KATNIP: variants seen among roughly 807,000 people sequenced by gnomAD.
KATNIP encodes katanin-interacting protein.
In KATNIP, 126 loss-of-function variants were observed where a neutral mutation model predicts 174.0. The ratio of observed to expected loss-of-function variants is 0.72; its 90% confidence interval spans 0.63 to 0.84. The LOEUF (loss-of-function observed/expected upper bound fraction) is 0.84, where lower values mean the gene tolerates loss of function less well. Among genes scored for constraint, KATNIP ranks in the 40% least tolerant of loss-of-function variants. The probability of loss-of-function intolerance (pLI) is 0.00; values close to 1 mark genes in which losing one functional copy is unlikely to be tolerated. For missense variants in KATNIP, 1,958 were observed against 2,109.7 expected (o/e 0.93, Z 1.41); for synonymous variants, 810 against 835.7 (o/e 0.97, Z 0.53).
chr16:27,712,640 T>G (rs2079625829), intron 13 of KATNIP, among the ~76,000 whole-genome samples: 1 of 152,124 alleles, frequency 6.6e-6, no homozygotes. Flanking sequence ...ACTCCACCCT[T>G]CTGTGCCCGC....
At chr16:27,695,481 C>T (rs564536823) in intron 8 of KATNIP, among the ~76,000 whole-genome samples, 1 of 152,324 alleles carries the variant, frequency 6.6e-6, no homozygotes, top group South Asian at 2.1e-4. Flanking sequence ...TGGTCCTCTG[C>T]GAGGCTCTCT....
intron 12 of KATNIP, among the ~76,000 whole-genome samples, chr16:27,707,869 C>T (rs981305220): frequency 3.3e-5 from 5 of 152,124 alleles, no homozygotes; most frequent in Non-Finnish European, 4.4e-5. Flanking sequence ...TATAAGGACA[C>T]CAGTTAGATT....
chr16:27,765,899 T>G (rs1030607669), intron 19 of KATNIP, among the ~76,000 whole-genome samples: 1 of 152,166 alleles, frequency 6.6e-6, no homozygotes, highest in South Asian at 2.1e-4. Context: ...TTTAAGCTAT[T>G]GTAAATAACA....
At position 27,749,945 on chromosome 16, in the gene KATNIP, A is replaced by T. The variant is rs551216368; in HGVS notation, c.2985A>T (p.Gly995=). Residue 995 remains glycine, a synonymous_variant, in exon 16 of 28, where the codon GGA becomes GGT. Coordinates refer to ENST00000261588, the MANE Select transcript of KATNIP (RefSeq NM_015202.5). Reference sequence around the variant, plus strand: ...ACAGACACTATGTCGGCCTCAACGGAATAGAAATATTCAGTTCCAAGGGTG... The same window carrying T: ...ACAGACACTATGTCGGCCTCAACGGTATAGAAATATTCAGTTCCAAGGGTG... The part of the protein sequence containing the change: ...WGDRHYVGLN[G]IEIFSSKGEP... 2.8e-5 allele frequency: 45 copies of T among 1,614,202 alleles called. No individual in the cohort carries two copies. The African/African-American group carries it at 4.4e-4, about 16-fold the overall frequency.
In KATNIP at chr16:27,748,073, A is replaced by C. The variant is rs1336245773; in HGVS notation, c.2624-1511A>C. On this transcript the variant is annotated intron_variant, in intron 15 of 27. Coordinates refer to ENST00000261588, the MANE Select transcript of KATNIP (RefSeq NM_015202.5). ...CAGTGTCAGCAGCCGCTGTTTTTGC[A>C]GGATGACACCCTTAGATGGCAGTGA... 4.6e-5 allele frequency among the ~76,000 whole-genome samples: 7 copies of C among 152,218 alleles called. No individual in the cohort carries two copies. In the East Asian group the frequency reaches 1.4e-3, roughly 29 times the overall value.
At chr16:27,673,054 G>A (rs576988093) in intron 6 of KATNIP, among the ~76,000 whole-genome samples, 396 of 152,254 alleles carry the variant, frequency 2.6e-3, no homozygotes, top group Non-Finnish European at 4.6e-3. Flanking sequence ...AGAGGGATGT[G>A]CCCATTGTTT....
At chr16:27,657,258 G>A (rs1221371239) in intron 6 of KATNIP, among the ~76,000 whole-genome samples, 1 of 152,048 alleles carries the variant, frequency 6.6e-6, no homozygotes, top group African/African-American at 2.4e-5. Flanking sequence ...GAGAGAAGGA[G>A]AGAAATGTGG....
Position 27,777,105 on chromosome 16 carries a change from C to A in KATNIP, c.4551+76C>A. On this transcript the variant is annotated intron_variant, in intron 25 of 27. Coordinates refer to ENST00000261588, the MANE Select transcript of KATNIP (RefSeq NM_015202.5). The surrounding 1 kb of genome is among the most constrained non-coding windows in gnomAD (Gnocchi z 4.4). The stretch of plus-strand genomic sequence containing the variant: ...TAGGCCGCCGGCAATTATCATTTGT[C>A]GCAGTTTGATTTACTTCTCTCTGTT... 1.0e-6 allele frequency: 1 copy of A among 986,544 alleles called. No homozygotes were observed. The highest frequency in any genetic ancestry group is 1.3e-5 in the South Asian group (1 of 74,774). 61.1% of individuals were successfully genotyped at this position (986,544 alleles called of 1,614,324 possible). A position where few individuals can be genotyped will look rare whatever the true frequency, so the allele number is the denominator to read the frequency against.
chr16:27,721,714 T>C lies in KATNIP; in HGVS notation c.1743+19T>C. ...TGATGGCGTAAGTAACAGGCGCTGG[T>C]TCCCCACTGGGCACTGGGTTGATGG... On this transcript the variant is annotated intron_variant, in intron 14 of 27. Coordinates refer to ENST00000261588, the MANE Select transcript of KATNIP (RefSeq NM_015202.5). 6.2e-7 allele frequency: 1 copy of C among 1,612,182 alleles called. No individual in the cohort carries two copies. The highest frequency in any genetic ancestry group is 8.5e-7 in the Non-Finnish European group (1 of 1,179,302).
chr16:27,772,862 C>T (rs2082356564), intron 22 of KATNIP, among the ~76,000 whole-genome samples: 1 of 152,030 alleles, frequency 6.6e-6, no homozygotes, highest in Admixed American at 6.6e-5. Context: ...TGCACACATG[C>T]ATGCATACAC....
intron 1 of KATNIP, among the ~76,000 whole-genome samples, chr16:27,573,679 T>C (rs956978664): frequency 2.6e-5 from 4 of 152,250 alleles, no homozygotes; most frequent in Non-Finnish European, 5.9e-5. Flanking sequence ...GCTTTGTTCA[T>C]TATAGTCAAA....
At chr16:27,725,993 C>T (rs926105236) in intron 14 of KATNIP, among the ~76,000 whole-genome samples, 7 of 152,132 alleles carry the variant, frequency 4.6e-5, no homozygotes, top group Non-Finnish European at 8.8e-5. Flanking sequence ...TCCCCAGCCC[C>T]CAGGCCACAG....
chr16:27,607,492 A>G (rs533741403), intron 2 of KATNIP, among the ~76,000 whole-genome samples: 2 of 152,110 alleles, frequency 1.3e-5, no homozygotes, highest in South Asian at 4.1e-4. Flanking sequence ...CTTGTCACCC[A>G]TAACTCATCC....
intron 6 of KATNIP, among the ~76,000 whole-genome samples, chr16:27,658,526 T>C (rs1169685974): frequency 3.9e-5 from 6 of 152,146 alleles, no homozygotes. Context: ...CTTTTCTACA[T>C]TGTACAAAGT....
intron 2 of KATNIP, 108 bp from the exon 3 acceptor site, chr16:27,618,317 G>A: frequency 1.2e-6 from 1 of 835,240 alleles, no homozygotes; most frequent in South Asian, 1.4e-5. Context: ...CCTTCGTCAA[G>A]GTCAGCCTCC....
At chr16:27,764,851 G>A (rs1174148259) in intron 19 of KATNIP, among the ~76,000 whole-genome samples, 2 of 152,300 alleles carry the variant, frequency 1.3e-5, no homozygotes, top group South Asian at 2.1e-4. Context: ...ACACTCCAGT[G>A]TGGAATTGCT....
At chr16:27,553,084 G>A (rs1010494080) in intron 1 of KATNIP, among the ~76,000 whole-genome samples, 1 of 152,152 alleles carries the variant, frequency 6.6e-6, no homozygotes, top group Non-Finnish European at 1.5e-5. Context: ...AAATCCATTG[G>A]TCTATCTTGC....
chr16:27,551,182 T>G (rs2089346244), intron 1 of KATNIP, among the ~76,000 whole-genome samples: 1 of 152,182 alleles, frequency 6.6e-6, no homozygotes, highest in Non-Finnish European at 1.5e-5. Context: ...ATGGGAAGAC[T>G]AAAGTCTAGA....
At chr16:27,606,606 G>A (rs141710356) in intron 2 of KATNIP, among the ~76,000 whole-genome samples, 6 of 151,870 alleles carry the variant, frequency 4.0e-5, no homozygotes, top group Non-Finnish European at 5.9e-5. Context: ...TGCTGGCTTC[G>A]GGCATGGCTG....
Sources: allele counts gnomAD v4.1 joint callset (sites outside exome capture counted in the v4.1 genomes callset), GRCh38; gene constraint gnomAD v4.1.1; non-coding constraint Gnocchi (gnomAD v3.1); transcripts MANE v1.5; gene names NCBI Gene and HGNC (gene_info 2026-07-23, HGNC 2026-07-21).